Variants in GABARAPL2 observed in about 807,000 individuals in gnomAD.
GABARAPL2 encodes the protein GABA type A receptor associated protein like 2, also known as gamma-aminobutyric acid receptor-associated protein-like 2.
In GABARAPL2, 11 loss-of-function variants were observed where a neutral mutation model predicts 16.9. The observed-to-expected ratio is 0.65, with a 90% CI of 0.41 to 1.08. The LOEUF is 1.08. Among genes scored for constraint, GABARAPL2 ranks in the 50% least tolerant of loss-of-function variants. The probability of loss-of-function intolerance (pLI) is 0.00; values close to 1 mark genes in which losing one functional copy is unlikely to be tolerated. For synonymous variants in GABARAPL2, 57 were observed against 50.7 expected (o/e 1.12, Z -0.53); for missense variants, 134 against 142.5 (o/e 0.94, Z 0.30).
intron 3 of GABARAPL2, among the ~76,000 whole-genome samples, chr16:75,575,151 A>G (rs1036981379): frequency 6.6e-6 from 1 of 152,188 alleles, no homozygotes; most frequent in Admixed American, 6.5e-5. Context: ...GCTGAGACCC[A>G]CGGCTGCAGG....
intron 3 of GABARAPL2, chr16:75,576,974 T>G (rs984942634): frequency 3.1e-5 from 8 of 259,134 alleles, no homozygotes; most frequent in Admixed American, 9.9e-5. Context: ...TTCTTCATTT[T>G]GCTTAGTTTC....
chr16:75,566,935 C>A, intron 2 of GABARAPL2, 28 bp downstream of exon 2: 1 of 1,585,670 alleles, frequency 6.3e-7, no homozygotes, highest in South Asian at 1.1e-5. Context: ...CCCCTCACCT[C>A]GCTGTCACCT....
chr16:75,568,612 T>C (rs563998432), intron 3 of GABARAPL2, among the ~76,000 whole-genome samples: 3 of 152,260 alleles, frequency 2.0e-5, no homozygotes, highest in African/African-American at 2.4e-5. Context: ...TCATCCAGTT[T>C]GCTTGCTCCC....
chr16:75,566,587 G>C (rs8192516), intron 1 of GABARAPL2, 67 bp downstream of exon 1: 164,776 of 1,553,002 alleles, frequency 0.11, 23,769 homozygotes, highest in East Asian at 0.74. Flanking sequence ...TCCCCCACTC[G>C]GGCGGCCCTG....
At chr16:75,574,698 C>T (rs1192604769) in intron 3 of GABARAPL2, among the ~76,000 whole-genome samples, 1 of 152,090 alleles carries the variant, frequency 6.6e-6, no homozygotes, top group East Asian at 1.9e-4. Flanking sequence ...ATGACCCTCC[C>T]TTCTCCCCCC....
At chr16:75,568,774 G>A (rs565657924) in intron 3 of GABARAPL2, among the ~76,000 whole-genome samples, 3 of 152,336 alleles carry the variant, frequency 2.0e-5, no homozygotes, top group Admixed American at 2.0e-4. Flanking sequence ...AGACTATTGT[G>A]CTGCCTGGAA....
intron 3 of GABARAPL2, among the ~76,000 whole-genome samples, chr16:75,571,693 G>A (rs548423180): frequency 2.0e-5 from 3 of 148,822 alleles, no homozygotes; most frequent in Non-Finnish European, 1.5e-5. Flanking sequence ...TTTTGGAGAC[G>A]GAGTTTCACT....
At chr16:75,566,735 CG>C in intron 1 of GABARAPL2, 116 bp from the exon 2 acceptor site, 1 of 1,091,538 alleles carries the variant, frequency 9.2e-7, no homozygotes, top group Non-Finnish European at 1.4e-6. Flanking sequence ...ACCGCGGCCC[CG>C]GGGACGCCGG....
At chr16:75,574,660 C>T (rs952324399) in intron 3 of GABARAPL2, among the ~76,000 whole-genome samples, 1 of 152,160 alleles carries the variant, frequency 6.6e-6, no homozygotes, top group Non-Finnish European at 1.5e-5. Flanking sequence ...GCTTGTCACT[C>T]TACTTCCTAA....
Position 75,566,940 on chromosome 16 carries a change from T to A in GABARAPL2, c.90+33T>A, listed in dbSNP as rs766049190. 1.9e-6 allele frequency: 3 copies of A among 1,570,950 alleles called. No homozygotes were observed. In the Admixed American group the frequency reaches 5.0e-5, roughly 26 times the overall value. The stretch of plus-strand genomic sequence containing the variant: ...GACTCTCCGCCCCCTCACCTCGCTG[T>A]CACCTCTGTCGTCTGGGACCCGTGA... On this transcript the variant is annotated intron_variant, in intron 2 of 3. Transcript: ENST00000037243.
At chr16:75,576,141 T>G (rs188426803) in intron 3 of GABARAPL2, 7 of 152,370 alleles carry the variant, frequency 4.6e-5, no homozygotes, top group Admixed American at 3.3e-4. Flanking sequence ...TACAAGATGC[T>G]GATGACAGGT....
rs1257581924 is a variant in GABARAPL2, at chr16:75,568,112, A to T, written c.166A>T (p.Thr56Ser). 1 of 1,611,966 alleles carries T rather than the reference A, an allele frequency of 6.2e-7. No homozygotes were observed. The highest frequency in any genetic ancestry group is 1.3e-5 in the African/African-American group (1 of 74,868). The part of the protein sequence containing the change: ...KRKYLVPSDI[T>S]VAQFMWIIRK... ...GAAGTACTTGGTTCCATCTGATATC[A>T]CTGTGGCTCAGTTCATGTGGATCAT... The change falls in exon 3 of 4, where the codon ACT becomes TCT. Residue 56 changes from threonine to serine, a missense_variant. Physicochemically the swap from Thr to Ser is moderately conservative, Grantham distance 58 (BLOSUM62 1). Transcript: ENST00000037243.
chr16:75,567,429 A>G (rs2080890923), intron 2 of GABARAPL2, among the ~76,000 whole-genome samples: 1 of 152,148 alleles, frequency 6.6e-6, no homozygotes, highest in Non-Finnish European at 1.5e-5. Context: ...ATAATGTTAT[A>G]TTTCTTCCAT....
chr16:75,566,924 C>T lies in GABARAPL2; in HGVS notation c.90+17C>T, dbSNP rs751045838. 5 of 1,597,074 alleles carry T rather than the reference C, an allele frequency of 3.1e-6. No homozygotes were observed. The highest frequency in any genetic ancestry group is 2.2e-5 in the East Asian group (1 of 44,812). On this transcript the variant is annotated intron_variant, in intron 2 of 3. Coordinates refer to ENST00000037243, the MANE Select transcript of GABARAPL2 (RefSeq NM_007285.7). ...AGGGTTCCGGTGAGTGGACTCTCCG[C>T]CCCCTCACCTCGCTGTCACCTCTGT...
intron 3 of GABARAPL2, among the ~76,000 whole-genome samples, chr16:75,574,478 A>G (rs74027424): frequency 0.036 from 5,489 of 152,220 alleles, 157 homozygotes; most frequent in African/African-American, 0.08. Context: ...AATGGGGTAA[A>G]GAGTTGTGGC....
At chr16:75,567,305 T>A (rs1410992205) in intron 2 of GABARAPL2, among the ~76,000 whole-genome samples, 1 of 152,242 alleles carries the variant, frequency 6.6e-6, no homozygotes. Context: ...CATCTTTACC[T>A]AACTTCTAGC....
chr16:75,568,414 T>A (rs1321209634), intron 3 of GABARAPL2: 2 of 414,986 alleles, frequency 4.8e-6, no homozygotes, highest in South Asian at 6.0e-5. Flanking sequence ...GAACAAGGCC[T>A]GGACTTTTAA....
intron 3 of GABARAPL2, among the ~76,000 whole-genome samples, chr16:75,573,352 A>G (rs1440260958): frequency 6.6e-6 from 1 of 152,218 alleles, no homozygotes; most frequent in Non-Finnish European, 1.5e-5. Flanking sequence ...ATGCAGTCAG[A>G]TCCCGTAAGT....
At chr16:75,566,830 G>A in intron 1 of GABARAPL2, 22 bp from the exon 2 acceptor site, 1 of 1,610,442 alleles carries the variant, frequency 6.2e-7, no homozygotes, top group Non-Finnish European at 8.5e-7. Flanking sequence ...GCGGCCGTCA[G>A]CCCCGTTTGT....
Sources: gnomAD v4.1 joint callset for allele counts (sites outside exome capture counted in the v4.1 genomes callset) on GRCh38, gnomAD v4.1.1 for gene constraint, MANE v1.5 for transcripts, NCBI Gene and HGNC (gene_info 2026-07-23, HGNC 2026-07-21) for gene names.